Variants in PLCB1 observed in about 807,000 individuals in gnomAD.
The protein encoded by PLCB1 is phospholipase C beta 1, also known as 1-phosphatidylinositol 4,5-bisphosphate phosphodiesterase beta-1.
A neutral mutation model predicts 161.8 loss-of-function variants in PLCB1; 46 were observed. The observed-to-expected ratio is 0.28, with a 90% CI of 0.22 to 0.36. The LOEUF is 0.36. Among genes scored for constraint, PLCB1 ranks in the 10% least tolerant of loss-of-function variants. The pLI, the probability that PLCB1 is intolerant of heterozygous loss-of-function variation, is 1.00. For synonymous variants in PLCB1, 517 were observed against 503.7 expected (o/e 1.03, Z -0.35); for missense variants, 1,016 against 1,472.5 (o/e 0.69, Z 5.07).
At chr20:8,182,850 G>A (rs2051859518) in intron 2 of PLCB1, among the ~76,000 whole-genome samples, 1 of 151,834 alleles carries the variant, frequency 6.6e-6, no homozygotes, top group Non-Finnish European at 1.5e-5. Flanking sequence ...CAAAGTGCTG[G>A]GATTACAGGT....
intron 31 of PLCB1, among the ~76,000 whole-genome samples, chr20:8,810,065 ACAG>A (rs754289328): frequency 2.8e-4 from 42 of 152,308 alleles, no homozygotes; most frequent in Admixed American, 2.6e-4. Context: ...GCTGGGGTAA[ACAG>A]CAGTTTCCAG....
At chr20:8,637,250 T>A (rs958247099) in intron 4 of PLCB1, among the ~76,000 whole-genome samples, 3 of 152,220 alleles carry the variant, frequency 2.0e-5, no homozygotes, top group Admixed American at 1.3e-4. Context: ...AATGAAAAGC[T>A]GGCACTAAGG....
At chr20:8,705,238 G>A (rs1285141306) in intron 11 of PLCB1, among the ~76,000 whole-genome samples, 2 of 152,028 alleles carry the variant, frequency 1.3e-5, no homozygotes, top group African/African-American at 4.8e-5. Context: ...AAACTATATG[G>A]CCAGCAAAGC....
intron 2 of PLCB1, among the ~76,000 whole-genome samples, chr20:8,203,354 C>A (rs1978348333): frequency 6.6e-6 from 1 of 151,990 alleles, no homozygotes; most frequent in South Asian, 2.1e-4. Context: ...GAAAGTGACT[C>A]ATTAATGGAA....
intron 3 of PLCB1, among the ~76,000 whole-genome samples, chr20:8,399,692 A>G (rs773350396): frequency 4.6e-5 from 7 of 152,126 alleles, no homozygotes; most frequent in Non-Finnish European, 7.4e-5. Context: ...TGTTTGTTTC[A>G]TATATTTTAT....
intron 9 of PLCB1, among the ~76,000 whole-genome samples, chr20:8,668,018 G>A (rs1568553539): frequency 6.6e-6 from 1 of 152,088 alleles, no homozygotes; most frequent in Non-Finnish European, 1.5e-5. Flanking sequence ...TGCCTGGCAG[G>A]TTGTACTGTG....
At chr20:8,764,170 AAAG>A (rs1982195392) in intron 25 of PLCB1, among the ~76,000 whole-genome samples, 1 of 152,090 alleles carries the variant, frequency 6.6e-6, no homozygotes, top group African/African-American at 2.4e-5. Context: ...CTGTCTCAAA[AAAG>A]AAAATAGTAA....
At chr20:8,525,568 A>G (rs1402995352) in intron 3 of PLCB1, among the ~76,000 whole-genome samples, 1 of 152,186 alleles carries the variant, frequency 6.6e-6, no homozygotes, top group African/African-American at 2.4e-5. Flanking sequence ...GGGCACAGAG[A>G]GATCTTAAAA....
chr20:8,665,633 A>T (rs956662278), intron 9 of PLCB1, among the ~76,000 whole-genome samples: 1 of 152,204 alleles, frequency 6.6e-6, no homozygotes, highest in Non-Finnish European at 1.5e-5. Flanking sequence ...AATTATAGTC[A>T]TAAGTGTAAG....
chr20:8,498,518 G>T (rs1983271795), intron 3 of PLCB1, among the ~76,000 whole-genome samples: 1 of 152,138 alleles, frequency 6.6e-6, no homozygotes, highest in Admixed American at 6.5e-5. Flanking sequence ...GGGTACAGTG[G>T]CAAAATAAAG....
chr20:8,868,742 G>A (rs539101138), intron 31 of PLCB1, among the ~76,000 whole-genome samples: 1 of 152,208 alleles, frequency 6.6e-6, no homozygotes, highest in South Asian at 2.1e-4. Flanking sequence ...AGTGATTCTT[G>A]CGCCTCAGCC....
At chr20:8,293,887 G>A (rs1983503389) in intron 2 of PLCB1, among the ~76,000 whole-genome samples, 1 of 152,146 alleles carries the variant, frequency 6.6e-6, no homozygotes, top group Admixed American at 6.6e-5. Flanking sequence ...TTGCAGAGAA[G>A]TAAGGGACTA....
chr20:8,505,702 C>G (rs559825578), intron 3 of PLCB1, among the ~76,000 whole-genome samples: 2 of 152,272 alleles, frequency 1.3e-5, no homozygotes, highest in East Asian at 3.9e-4. Context: ...CTCCAACAGG[C>G]CATTAGAAAT....
chr20:8,221,905 A>C (rs1231130336), intron 2 of PLCB1, among the ~76,000 whole-genome samples: 2 of 152,196 alleles, frequency 1.3e-5, no homozygotes, highest in African/African-American at 4.8e-5. Context: ...CAAAAACATC[A>C]AAATGTCTGG....
At chr20:8,523,428 GTA>G (rs1984430451) in intron 3 of PLCB1, among the ~76,000 whole-genome samples, 1 of 120,422 alleles carries the variant, frequency 8.3e-6, no homozygotes, top group Admixed American at 8.8e-5. Context: ...GTGTGTGTGT[GTA>G]TGGAGAGAGA....
intron 3 of PLCB1, among the ~76,000 whole-genome samples, chr20:8,571,305 C>T (rs1986505354): frequency 2.0e-5 from 3 of 151,948 alleles, no homozygotes. Flanking sequence ...AACATGGTGA[C>T]ACTCCATCTC....
At chr20:8,774,228 TTA>T (rs1266884999) in intron 26 of PLCB1, among the ~76,000 whole-genome samples, 1 of 150,908 alleles carries the variant, frequency 6.6e-6, no homozygotes, top group Admixed American at 6.6e-5. Flanking sequence ...TGAAAATTTT[TTA>T]TTAGACACTG....
chr20:8,224,742 CA>C (rs1046412319), intron 2 of PLCB1, among the ~76,000 whole-genome samples: 178 of 152,160 alleles, frequency 1.2e-3, no homozygotes, highest in African/African-American at 4.1e-3. Flanking sequence ...ACATTTCTGG[CA>C]CCATCCCCCC....
intron 9 of PLCB1, among the ~76,000 whole-genome samples, chr20:8,665,716 T>C (rs1412008203): frequency 1.3e-5 from 2 of 152,218 alleles, no homozygotes; most frequent in African/African-American, 2.4e-5. Context: ...AATCATATTT[T>C]TCCAGCACCA....
Sources: allele counts gnomAD v4.1 joint callset (sites outside exome capture counted in the v4.1 genomes callset), GRCh38; gene constraint gnomAD v4.1.1; transcripts MANE v1.5; gene names NCBI Gene and HGNC (gene_info 2026-07-23, HGNC 2026-07-21).